The following JAK1 variants were observed in gnomAD, a reference collection of about 807,000 sequenced individuals.
The protein encoded by JAK1 is Janus kinase 1.
Under a neutral mutation model 136.6 loss-of-function variants are expected in JAK1, and 16 were observed. That is an observed-to-expected ratio of 0.12 (90% CI 0.08 to 0.18). JAK1 has a LOEUF of 0.18. JAK1 is among the 10% of genes least tolerant of loss of function. JAK1 has a pLI of 1.00. For synonymous variants in JAK1, 492 were observed against 519.5 expected (o/e 0.95, Z 0.72); for missense variants, 859 against 1,450.1 (o/e 0.59, Z 6.62).
At chr1:64,849,344 T>A (rs1655441286) in intron 12 of JAK1, among the ~76,000 whole-genome samples, 2 of 152,154 alleles carry the variant, frequency 1.3e-5, no homozygotes, top group Non-Finnish European at 2.9e-5. Context: ...TGCTTACCAC[T>A]ACACGCAGCT....
At chr1:64,845,185 T>C (rs1655148608) in intron 15 of JAK1, among the ~76,000 whole-genome samples, 1 of 152,194 alleles carries the variant, frequency 6.6e-6, no homozygotes, top group Non-Finnish European at 1.5e-5. Flanking sequence ...ACTCCACACG[T>C]CAGCTACTAG....
At chr1:65,032,558 C>T (rs1647033257) in intron 2 of JAK1, among the ~76,000 whole-genome samples, 1 of 152,194 alleles carries the variant, frequency 6.6e-6, no homozygotes, top group South Asian at 2.1e-4. Flanking sequence ...AATGAATCCA[C>T]TCAAAATAAT....
intron 12 of JAK1, among the ~76,000 whole-genome samples, chr1:64,849,036 T>C (rs542833121): frequency 2.0e-5 from 3 of 152,278 alleles, no homozygotes; most frequent in South Asian, 4.1e-4. Context: ...CCATATGCTT[T>C]CAGAATAATT....
chr1:65,062,000 C>T (rs1456377307), intron 1 of JAK1, among the ~76,000 whole-genome samples: 5 of 151,880 alleles, frequency 3.3e-5, no homozygotes, highest in Non-Finnish European at 7.4e-5. Flanking sequence ...AGCACTGGCC[C>T]TAATTAATCT....
At chr1:64,849,587 C>A (rs1468142142) in intron 12 of JAK1, among the ~76,000 whole-genome samples, 2 of 152,250 alleles carry the variant, frequency 1.3e-5, no homozygotes, top group African/African-American at 2.4e-5. Flanking sequence ...TGCTGTACTT[C>A]CCTACTTTGG....
intron 1 of JAK1, among the ~76,000 whole-genome samples, chr1:64,916,946 T>C (rs1645408035): frequency 6.6e-6 from 1 of 151,956 alleles, no homozygotes; most frequent in Non-Finnish European, 1.5e-5. Flanking sequence ...GTCACATGTC[T>C]GAATTCCTAA....
intron 2 of JAK1, among the ~76,000 whole-genome samples, chr1:64,978,213 C>G (rs1200768699): frequency 6.6e-6 from 1 of 151,540 alleles, no homozygotes; most frequent in Admixed American, 6.6e-5. Context: ...AAGAGGCACA[C>G]GTTGCAGTGA....
chr1:64,855,365 GA>G lies in JAK1; in HGVS notation c.1648+143del, dbSNP rs926376683. On this transcript the variant is annotated intron_variant, in intron 11 of 24. Coordinates refer to ENST00000342505, the MANE Select transcript of JAK1 (RefSeq NM_002227.4). ...AGGGATTGGATGTGAGTTGGGCACA[GA>G]AGTGTAATTAAACTCAATAAAAAAC... 4 of 702,690 alleles carry G rather than the reference GA, an allele frequency of 5.7e-6. No individual in the cohort carries two copies. In the African/African-American group the frequency reaches 7.2e-5, roughly 13 times the overall value. 43.5% of individuals were successfully genotyped at this position (702,690 alleles called of 1,614,324 possible).
upstream of JAK1, among the ~76,000 whole-genome samples, chr1:64,968,728 T>TTTG (rs1314257589): frequency 1.3e-5 from 2 of 152,126 alleles, no homozygotes; most frequent in African/African-American, 4.8e-5. Flanking sequence ...GGTCAGGAGT[T>TTTG]TGAGACCAGC....
intron 1 of JAK1, among the ~76,000 whole-genome samples, chr1:64,898,138 A>T (rs1645051792): frequency 6.6e-6 from 1 of 152,210 alleles, no homozygotes; most frequent in Non-Finnish European, 1.5e-5. Flanking sequence ...GTAAATCATG[A>T]TGTTAATGAG....
intron 1 of JAK1, among the ~76,000 whole-genome samples, chr1:65,049,380 G>T (rs1260118562): frequency 6.6e-6 from 1 of 152,092 alleles, no homozygotes; most frequent in Non-Finnish European, 1.5e-5. Flanking sequence ...CATGATCGTG[G>T]CCCTGCACTC....
At chr1:64,959,410 TC>T (rs1303168729) in intron 1 of JAK1, among the ~76,000 whole-genome samples, 2 of 152,066 alleles carry the variant, frequency 1.3e-5, no homozygotes, top group African/African-American at 2.4e-5. Flanking sequence ...TATTTGAGAG[TC>T]CCTTTAAACT....
At chr1:65,037,179 G>T (rs907017538) in intron 2 of JAK1, among the ~76,000 whole-genome samples, 32 of 152,180 alleles carry the variant, frequency 2.1e-4, no homozygotes, top group African/African-American at 7.7e-4. Flanking sequence ...GAGCAAGCAA[G>T]ACCTCATCTC....
intron 10 of JAK1, among the ~76,000 whole-genome samples, chr1:64,856,688 A>G (rs1557638316): frequency 6.6e-6 from 1 of 152,188 alleles, no homozygotes; most frequent in Non-Finnish European, 1.5e-5. Flanking sequence ...AATGAACCTG[A>G]CAGGCTCTGA....
At chr1:64,847,015 C>G (rs1268022421) in intron 13 of JAK1, 1 of 518,048 alleles carries the variant, frequency 1.9e-6, no homozygotes, top group African/African-American at 1.9e-5. Context: ...CCACTGGATA[C>G]TCATGCCCAC....
chr1:64,935,573 T>C (rs1645774322), intron 1 of JAK1, among the ~76,000 whole-genome samples: 1 of 152,200 alleles, frequency 6.6e-6, no homozygotes, highest in Non-Finnish European at 1.5e-5. Flanking sequence ...AGTGCTGAGA[T>C]TACAGGCGTG....
At chr1:64,911,677 C>T (rs1570756727) in intron 1 of JAK1, among the ~76,000 whole-genome samples, 1 of 152,208 alleles carries the variant, frequency 6.6e-6, no homozygotes, top group East Asian at 1.9e-4. Flanking sequence ...CCATGATATG[C>T]ACCTAGCTAA....
chr1:65,028,970 CA>C (rs1321544236), intron 2 of JAK1, among the ~76,000 whole-genome samples: 15 of 152,084 alleles, frequency 9.9e-5, no homozygotes, highest in South Asian at 6.2e-4. Flanking sequence ...AAAATATGAA[CA>C]AAGTAAAAGA....
At chr1:64,995,735 T>C (rs904398827) in intron 2 of JAK1, among the ~76,000 whole-genome samples, 4 of 150,708 alleles carry the variant, frequency 2.7e-5, no homozygotes, top group African/African-American at 7.5e-5. Context: ...GATATTGGCC[T>C]TTTGTTTTGT....
Sources: gnomAD v4.1 joint callset for allele counts (sites outside exome capture counted in the v4.1 genomes callset) on GRCh38, gnomAD v4.1.1 for gene constraint, MANE v1.5 for transcripts, NCBI Gene and HGNC (gene_info 2026-07-23, HGNC 2026-07-21) for gene names.